Variants in ATP9B observed in about 807,000 individuals in gnomAD.
ATP9B encodes ATPase phospholipid transporting 9B.
In ATP9B, 110 loss-of-function variants were observed where a neutral mutation model predicts 146.1. The observed-to-expected ratio is 0.75, with a 90% CI of 0.65 to 0.88. The LOEUF (loss-of-function observed/expected upper bound fraction) is 0.88. ATP9B is among the 40% of genes least tolerant of loss of function. The pLI is 0.00. For missense variants in ATP9B, 1,499 were observed against 1,496.4 expected, an observed-to-expected ratio of 1.00 and a Z score of -0.03; for synonymous variants, 604 against 569.7, an observed-to-expected ratio of 1.06 and a Z score of -0.86.
At chr18:79,102,424 ATATTC>A (rs2075348104) in intron 2 of ATP9B, among the ~76,000 whole-genome samples, 1 of 152,128 alleles carries the variant, frequency 6.6e-6, no homozygotes, top group Admixed American at 6.6e-5. Flanking sequence ...GCGTATCCAA[ATATTC>A]TAATACCACT....
chr18:79,108,931 A>G (rs971100775), intron 2 of ATP9B, among the ~76,000 whole-genome samples: 1 of 152,222 alleles, frequency 6.6e-6, no homozygotes, highest in East Asian at 1.9e-4. Context: ...GCAAGTTTTC[A>G]GTATTTGTAA....
intron 11 of ATP9B, among the ~76,000 whole-genome samples, chr18:79,215,814 C>T (rs1231569471): frequency 1.3e-5 from 2 of 152,020 alleles, no homozygotes; most frequent in African/African-American, 2.4e-5. Flanking sequence ...CTCAGCCTTG[C>T]GAGTAGCTGG....
chr18:79,095,002 A>G (rs1285967875), intron 1 of ATP9B, among the ~76,000 whole-genome samples: 1 of 152,170 alleles, frequency 6.6e-6, no homozygotes, highest in African/African-American at 2.4e-5. Flanking sequence ...TTTTCTAGGC[A>G]GTGAGGACTG....
At chr18:79,170,686 A>G (rs1287816851) in intron 7 of ATP9B, among the ~76,000 whole-genome samples, 1 of 152,152 alleles carries the variant, frequency 6.6e-6, no homozygotes, top group African/African-American at 2.4e-5. Flanking sequence ...AGTTGCTGGA[A>G]AGGCTGGTGT....
chr18:79,375,004 G>A (rs1025322536), intron 28 of ATP9B, among the ~76,000 whole-genome samples: 8 of 152,192 alleles, frequency 5.3e-5, no homozygotes, highest in African/African-American at 1.9e-4. Flanking sequence ...CATTAGGGGC[G>A]GGTCTGAAGA....
Position 79,119,165 on chromosome 18 carries a change from G to A in ATP9B, c.558+5811G>A, listed in dbSNP as rs184827254. 1.4e-3 allele frequency among the ~76,000 whole-genome samples: 219 copies of A among 151,722 alleles called. 3 individuals carry two copies. The highest frequency in any genetic ancestry group is 5.0e-3 in the African/African-American group (206 of 41,394). ...CACAAATTCTTCTTAATAAAGTAAAGCAAATGTATTTATATATATTTTGCT... is the reference window on the plus strand; with the variant it reads ...CACAAATTCTTCTTAATAAAGTAAAACAAATGTATTTATATATATTTTGCT... On this transcript the variant is annotated intron_variant, in intron 4 of 29. Transcript: ENST00000426216.
chr18:79,108,109 C>T (rs550865602), intron 2 of ATP9B, among the ~76,000 whole-genome samples: 2 of 152,160 alleles, frequency 1.3e-5, no homozygotes, highest in African/African-American at 4.8e-5. Context: ...AAGGAGTGCC[C>T]ATGAGCCCCT....
chr18:79,298,152 A>G (rs2096566012), intron 13 of ATP9B, among the ~76,000 whole-genome samples: 1 of 146,708 alleles, frequency 6.8e-6, no homozygotes, highest in African/African-American at 2.5e-5. Flanking sequence ...AAAGGAAGAA[A>G]TCGAGTTAAA....
intron 13 of ATP9B, among the ~76,000 whole-genome samples, chr18:79,293,181 AC>A (rs1225709232): frequency 2.0e-5 from 3 of 151,586 alleles, no homozygotes; most frequent in East Asian, 3.9e-4. Context: ...TCCCACTTGT[AC>A]CTAAAAGCTA....
intron 7 of ATP9B, among the ~76,000 whole-genome samples, chr18:79,155,298 C>A (rs1156696182): frequency 6.6e-6 from 1 of 152,086 alleles, no homozygotes; most frequent in East Asian, 1.9e-4. Context: ...TTGATGCAGA[C>A]TTTGCAGAAA....
intron 11 of ATP9B, among the ~76,000 whole-genome samples, chr18:79,245,837 C>T (rs1568483974): frequency 1.4e-5 from 2 of 147,964 alleles, no homozygotes; most frequent in South Asian, 4.3e-4. Context: ...AGGGCACCAC[C>T]CTACTGACTG....
chr18:79,312,165 G>A (rs1038915480), intron 15 of ATP9B, among the ~76,000 whole-genome samples: 10 of 152,158 alleles, frequency 6.6e-5, no homozygotes, highest in African/African-American at 2.4e-4. Flanking sequence ...TCCCTGCTTG[G>A]GTTCAACCAG....
chr18:79,311,898 C>T (rs1388302723), intron 15 of ATP9B, among the ~76,000 whole-genome samples: 1 of 152,210 alleles, frequency 6.6e-6, no homozygotes, highest in Non-Finnish European at 1.5e-5. Flanking sequence ...TTCTGTGTTT[C>T]ATTGAGCCTT....
Position 79,290,574 on chromosome 18 carries a change from G to A in ATP9B, c.1412-13030G>A, listed in dbSNP as rs544487743. ...CCTGACCCTTGCTCTTCCCGAGTGA[G>A]GCAATGCCTCGCCCTGCTTCGGCTC... On this transcript the variant is annotated intron_variant, in intron 13 of 29. Transcript: ENST00000426216. 5.3e-5 allele frequency among the ~76,000 whole-genome samples: 8 copies of A among 152,344 alleles called. No homozygotes were observed. In the South Asian group the frequency reaches 1.7e-3, roughly 32 times the overall value.
At chr18:79,200,779 A>AGGCGGAGGTGGGGAC (rs2095475928) in intron 9 of ATP9B, among the ~76,000 whole-genome samples, 1 of 28,516 alleles carries the variant, frequency 3.5e-5, no homozygotes, top group African/African-American at 1.4e-4. Flanking sequence ...GTCAGAGCAG[A>AGGCGGAGGTGGGGAC]AGTAGTGGTG....
intron 13 of ATP9B, among the ~76,000 whole-genome samples, chr18:79,288,363 A>G (rs1036431405): frequency 3.9e-5 from 6 of 152,092 alleles, no homozygotes; most frequent in Admixed American, 2.0e-4. Context: ...TCCCTTTACC[A>G]TTATGTAATG....
chr18:79,143,167 G>A (rs1370835007), intron 5 of ATP9B, among the ~76,000 whole-genome samples: 1 of 152,040 alleles, frequency 6.6e-6, no homozygotes, highest in African/African-American at 2.4e-5. Context: ...CTCAAATTAT[G>A]GGTGCAACAT....
chr18:79,257,602 G>T (rs979607441), intron 12 of ATP9B, among the ~76,000 whole-genome samples: 4 of 152,210 alleles, frequency 2.6e-5, no homozygotes, highest in Non-Finnish European at 5.9e-5. Flanking sequence ...TGAGGCCACC[G>T]TGGAAGACCT....
rs746074871 is a variant in ATP9B at position 79,126,310 on chromosome 18, A to G, written c.602A>G (p.Glu201Gly). ...ACTATGACACGGGAAGCAATTGATG[A>G]ATTTCGGCGTTTTCAGCGTGACAAG... Reference protein sequence around the residue: ...AVTMTREAIDEFRRFQRDKEV... With the variant: ...AVTMTREAIDGFRRFQRDKEV... The change falls in exon 5 of 30, where the codon GAA (glutamate) becomes GGA (glycine). Residue 201 changes from glutamate (E) to glycine (G), a missense_variant. Transcript: ENST00000426216. 3 of 1,612,244 alleles carry G rather than the reference A, an allele frequency of 1.9e-6. No homozygotes were observed. The East Asian group carries it at 6.7e-5, about 36-fold the overall frequency.
Sources: gnomAD v4.1 joint callset for allele counts (sites outside exome capture counted in the v4.1 genomes callset) on GRCh38, gnomAD v4.1.1 for gene constraint, MANE v1.5 for transcripts, NCBI Gene and HGNC (gene_info 2026-07-23, HGNC 2026-07-21) for gene names.